Variants in MPRIP observed in about 807,000 individuals in gnomAD.
MPRIP encodes the protein myosin phosphatase Rho-interacting protein.
Under a neutral mutation model 234.9 loss-of-function variants are expected in MPRIP, and 59 were observed. The ratio of observed to expected loss-of-function variants is 0.25; its 90% CI spans 0.20 to 0.31. The LOEUF is 0.31. Ranked by LOEUF, MPRIP falls within the 10% of genes least tolerant of loss-of-function variation. The pLI is 1.00. For missense variants in MPRIP, 2,436 were observed against 3,071.0 expected, an observed-to-expected ratio of 0.79 and a Z score of 4.89; for synonymous variants, 1,144 against 1,263.9, an observed-to-expected ratio of 0.91 and a Z score of 2.01.
At position 17,075,519 on chromosome 17, in the gene MPRIP, C is replaced by T. The variant is rs1267961173; in HGVS notation, c.124-191C>T. Among the ~76,000 whole-genome samples, 10 of 152,242 alleles carry T rather than the reference C, an allele frequency of 6.6e-5. No individual in the cohort carries two copies. In the South Asian group the frequency reaches 1.9e-3, roughly 28 times the overall value. ...GCCAGGGCCTGTATGCTCTCCACCC[C>T]GGATGCTGCAGAATCCCCGCCAGCC... On this transcript the variant is annotated intron_variant, in intron 1 of 23. Transcript: ENST00000651222.
intron 3 of MPRIP, among the ~76,000 whole-genome samples, chr17:17,106,059 C>T (rs1418693859): frequency 1.3e-5 from 2 of 152,198 alleles, no homozygotes; most frequent in African/African-American, 2.4e-5. Context: ...TCCTGAGTCC[C>T]TCAGTGGCTT....
At chr17:17,121,370 G>A (rs904108350) in intron 3 of MPRIP, among the ~76,000 whole-genome samples, 1 of 152,254 alleles carries the variant, frequency 6.6e-6, no homozygotes, top group African/African-American at 2.4e-5. Context: ...AGAGGGAGCT[G>A]TTGACTAACA....
chr17:17,091,111 T>C (rs1597788676), intron 3 of MPRIP, among the ~76,000 whole-genome samples: 1 of 150,534 alleles, frequency 6.6e-6, no homozygotes, highest in Admixed American at 6.6e-5. Flanking sequence ...GGGGGTGGGG[T>C]TTGACTTGCA....
intron 3 of MPRIP, among the ~76,000 whole-genome samples, chr17:17,087,137 A>T (rs2144116989): frequency 6.6e-6 from 1 of 152,272 alleles, no homozygotes; most frequent in Non-Finnish European, 1.5e-5. Flanking sequence ...GACTGTGTGG[A>T]CCAAAAACAG....
At position 17,142,663 on chromosome 17, in the gene MPRIP, C is replaced by G; in HGVS notation, c.1287C>G (p.Asp429Glu). The change falls in exon 8 of 24, where the codon GAC (aspartate) becomes GAG (glutamate). Residue 429 changes from aspartate (D) to glutamate (E), a missense_variant. By Grantham distance (45) the Asp-to-Glu change is conservative. Transcript: ENST00000651222. ...SQVIEKFEAL[D>E]IEKAEHMETN... Reference sequence around the variant, plus strand: ...TGATTGAAAAGTTTGAGGCCTTGGACATTGAGAAGGCAGAGCACATGGAGA... The same window carrying G: ...TGATTGAAAAGTTTGAGGCCTTGGAGATTGAGAAGGCAGAGCACATGGAGA... 6.2e-7 allele frequency: 1 copy of G among 1,612,014 alleles called. No individual in the cohort carries two copies. Among genetic ancestry groups the G allele is most frequent in the Non-Finnish European group, 8.5e-7 (1 of 1,179,980 alleles).
chr17:17,043,046 T>TGCAGGGAAAATAAAAATGGA, intron 1 of MPRIP, 75 bp downstream of exon 1: 1 of 1,431,740 alleles, frequency 7.0e-7, no homozygotes, highest in South Asian at 1.2e-5. Flanking sequence ...CGCCAAGGGC[T>TGCAGGGAAAATAAAAATGGA]GCAGGGAAAA....
chr17:17,142,737 G>A lies in MPRIP; in HGVS notation c.1361G>A (p.Ser454Asn). ...SPSSDTRQGR[S>N]EKRAFPRKRD... ...TCCAGCGACACACGCCAGGGCCGCA[G>A]CGAGAAGAGGGCGTTCCCTAGGAAG... Residue 454 changes from serine (S) to asparagine (N), a missense_variant, in exon 8 of 24, where the codon AGC becomes AAC. By Grantham distance (46) the Ser-to-Asn change is conservative (BLOSUM62 1). This residue lies in a region of MPRIP where 267 missense variants were observed against 252.7 expected (regional missense o/e 1.06). Transcript: ENST00000651222. The A allele has an allele frequency of 6.2e-7, 1 of 1,612,700 alleles. No homozygotes were observed. The highest frequency in any genetic ancestry group is 8.5e-7 in the Non-Finnish European group (1 of 1,179,964).
intron 3 of MPRIP, among the ~76,000 whole-genome samples, chr17:17,089,691 G>A (rs1249836873): frequency 6.6e-6 from 1 of 152,070 alleles, no homozygotes; most frequent in African/African-American, 2.4e-5. Flanking sequence ...AGGTGTAGGC[G>A]TGAGAAACGG....
At chr17:17,087,438 T>C (rs2089616395) in intron 3 of MPRIP, among the ~76,000 whole-genome samples, 1 of 152,126 alleles carries the variant, frequency 6.6e-6, no homozygotes, top group African/African-American at 2.4e-5. Flanking sequence ...CTGAGCCCTG[T>C]AGAGGGAAGA....
In MPRIP at chr17:17,070,300, C is replaced by T. The variant is rs1250233771; in HGVS notation, c.124-5410C>T. ...CTAAACTTCTTGAATGTGTAGGTTG[C>T]CACTTTTGCCAAATTTGGGAGGTTT... On this transcript the variant is annotated intron_variant, in intron 1 of 23. Transcript: ENST00000651222. 2.0e-5 allele frequency among the ~76,000 whole-genome samples: 3 copies of T among 152,118 alleles called. No homozygotes were observed. The East Asian group carries it at 5.8e-4, about 29-fold the overall frequency.
At position 17,174,021 on chromosome 17, in the gene MPRIP, G is replaced by T; in HGVS notation, c.6696G>T (p.Arg2232=). ...AHLAQALEAE[R]QALRQCQREN... is the part of the protein sequence containing the mutation. Reference sequence around the variant, plus strand: ...TGGCCCAGGCGCTGGAGGCCGAGCGGCAGGCCCTGCGGCAGTGCCAGCGTG... The same window carrying T: ...TGGCCCAGGCGCTGGAGGCCGAGCGTCAGGCCCTGCGGCAGTGCCAGCGTG... Residue 2232 remains arginine, a synonymous_variant, in exon 19 of 24, where the codon CGG becomes CGT. Transcript: ENST00000651222. 1.9e-6 allele frequency: 3 copies of T among 1,613,514 alleles called. No homozygotes were observed. Among genetic ancestry groups the T allele is most frequent in the Non-Finnish European group, 2.5e-6 (3 of 1,180,030 alleles).
chr17:17,077,477 A>G (rs4629023), intron 2 of MPRIP: 24,925 of 154,630 alleles, frequency 0.16, 3,015 homozygotes, highest in African/African-American at 0.32. Context: ...ATTTTCATTA[A>G]CTCATTTCAC....
Position 17,164,499 on chromosome 17 carries a change from A to G in MPRIP, c.2908A>G (p.Thr970Ala). 8.3e-7 allele frequency: 1 copy of G among 1,211,912 alleles called. No individual in the cohort carries two copies. The highest frequency in any genetic ancestry group is 1.1e-6 in the Non-Finnish European group (1 of 950,372). The allele number at this position is 1,211,912 out of a possible 1,614,324, so 75.1% of individuals were successfully genotyped here. The part of the protein sequence containing the change: ...KSAEALLLEK[T>A]QELRGLETQQ... ...TGCTGAGGCCCTGCTGCTGGAGAAG[A>G]CGCAGGAGCTACGGGGCCTGGAGAC... Residue 970 changes from threonine (T) to alanine (A), a missense_variant, in exon 16 of 24, where the codon ACG (threonine) becomes GCG (alanine). By Grantham distance (58) the Thr-to-Ala change is moderately conservative. Coordinates refer to ENST00000651222, the MANE Select transcript of MPRIP (RefSeq NM_001364716.4).
chr17:17,164,730 G>T lies in MPRIP; in HGVS notation c.3139G>T (p.Ala1047Ser). 2 of 1,300,694 alleles carry T rather than the reference G, an allele frequency of 1.5e-6. No individual in the cohort carries two copies. The highest frequency in any genetic ancestry group is 2.5e-5 in the South Asian group (2 of 80,540). The allele number at this position is 1,300,694 out of a possible 1,614,324, so 80.6% of individuals were successfully genotyped here. A position where few individuals can be genotyped will look rare whatever the true frequency, so the allele number is the denominator to read the frequency against. Reference sequence around the variant, plus strand: ...GAACCTAAAGGAAGTGGAAGACAAGGCCAGCGCCTATGAGGACCAGCTGCA... The same window carrying T: ...GAACCTAAAGGAAGTGGAAGACAAGTCCAGCGCCTATGAGGACCAGCTGCA... ...LQNLKEVEDKASAYEDQLQGQ... is the reference protein window; with the variant it reads ...LQNLKEVEDKSSAYEDQLQGQ... The change falls in exon 16 of 24, where the codon GCC becomes TCC. Residue 1047 changes from alanine to serine, a missense_variant. Coordinates refer to ENST00000651222, the MANE Select transcript of MPRIP (RefSeq NM_001364716.4).
rs1006092924 is a variant in MPRIP at position 17,078,839 on chromosome 17, C to A, written c.267+763C>A. ...CAAACTTTGTAAAGGGTTGAAGATG[C>A]GAGATTTGATCGCCTTTTCCAGTTC... is the stretch of plus-strand genomic sequence containing the variant. On this transcript the variant is annotated intron_variant, in intron 3 of 23. Transcript: ENST00000651222. The surrounding 1 kb of genome is among the most constrained non-coding windows in gnomAD (Gnocchi z 4.3). Among the ~76,000 whole-genome samples, 2 of 152,174 alleles carry A rather than the reference C, an allele frequency of 1.3e-5. No homozygotes were observed. Among genetic ancestry groups the A allele is most frequent in the African/African-American group, 4.8e-5 (2 of 41,436 alleles).
At chr17:17,157,931 C>A (rs1597477499) in intron 13 of MPRIP, among the ~76,000 whole-genome samples, 1 of 152,232 alleles carries the variant, frequency 6.6e-6, no homozygotes, top group East Asian at 1.9e-4. Context: ...TCACCACTGT[C>A]CAGTCCAGGG....
intron 3 of MPRIP, among the ~76,000 whole-genome samples, chr17:17,117,508 A>C (rs1425245155): frequency 6.6e-6 from 1 of 152,230 alleles, no homozygotes; most frequent in Non-Finnish European, 1.5e-5. Flanking sequence ...GATGTTTCCA[A>C]GGTTTGCTCA....
Position 17,164,158 on chromosome 17 carries a change from T to C in MPRIP, c.2567T>C (p.Val856Ala), listed in dbSNP as rs1244353638. The C allele has an allele frequency of 1.5e-6, 2 of 1,303,648 alleles. No homozygotes were observed. Among genetic ancestry groups the C allele is most frequent in the South Asian group, 2.5e-5 (2 of 81,002 alleles). The allele number at this position is 1,303,648 out of a possible 1,614,324, so 80.8% of individuals were successfully genotyped here. A position where few individuals can be genotyped will look rare whatever the true frequency, so the allele number is the denominator to read the frequency against. ...PSGAWQRLHR[V>A]NQDLQSELEA... ...GGTGCCTGGCAGAGGCTCCATAGAG[T>C]CAACCAAGACCTTCAAAGTGAGCTT... Residue 856 changes from valine to alanine, a missense_variant, in exon 16 of 24, where the codon GTC becomes GCC. Physicochemically the swap from Val to Ala is moderately conservative, Grantham distance 64. Transcript: ENST00000651222.
chr17:17,100,632 A>AGG (rs1287375750), intron 3 of MPRIP, among the ~76,000 whole-genome samples: 4 of 152,116 alleles, frequency 2.6e-5, no homozygotes, highest in African/African-American at 9.6e-5. Flanking sequence ...TGCACATGCA[A>AGG]GGGGTCTAGG....
Sources: gnomAD v4.1 joint callset for allele counts (sites outside exome capture counted in the v4.1 genomes callset) on GRCh38, gnomAD v4.1.1 for gene constraint, gnomAD v4.1.1 regional missense constraint, Gnocchi (gnomAD v3.1) non-coding constraint, MANE v1.5 for transcripts, NCBI Gene and HGNC (gene_info 2026-07-23, HGNC 2026-07-21) for gene names.